Variants in BRINP3 observed in about 807,000 individuals in gnomAD.
BRINP3 encodes the protein BMP/retinoic acid inducible neural specific 3.
Under a neutral mutation model 71.0 loss-of-function variants are expected in BRINP3, and 19 were observed. The ratio of observed to expected loss-of-function variants is 0.27; its 90% CI spans 0.19 to 0.39. The LOEUF is 0.39. BRINP3 is among the 10% of genes least tolerant of loss of function. The pLI, the probability that BRINP3 is intolerant of heterozygous loss-of-function variation, is 1.00. For missense variants in BRINP3, 959 were observed against 940.8 expected (o/e 1.02, Z -0.25); for synonymous variants, 380 against 337.7 (o/e 1.13, Z -1.37).
chr1:190,281,427 T>C (rs1439326266), intron 3 of BRINP3, 133 bp downstream of exon 3: 1 of 819,458 alleles, frequency 1.2e-6, no homozygotes, highest in African/African-American at 1.7e-5. Context: ...ACTCAAAATG[T>C]GTTGGGTAAA....
In BRINP3 at chr1:190,368,794, T is replaced by G. The variant is rs143577039; in HGVS notation, c.236+85861A>C. Reference sequence around the variant, plus strand: ...CAGGAATCAGACCTTAGTTATAGATTAAAGGAAGTTAATCACTTACGTCTT... The same window carrying G: ...CAGGAATCAGACCTTAGTTATAGATGAAAGGAAGTTAATCACTTACGTCTT... On this transcript the variant is annotated intron_variant, in intron 2 of 7. Transcript: ENST00000367462. Among the ~76,000 whole-genome samples, 485 of 152,256 alleles carry G rather than the reference T, an allele frequency of 3.2e-3. 6 individuals carry two copies. Among genetic ancestry groups the G allele is most frequent in the African/African-American group, 0.011 (457 of 41,558 alleles).
At chr1:190,102,185 C>A (rs929936982) in intron 7 of BRINP3, among the ~76,000 whole-genome samples, 1 of 152,036 alleles carries the variant, frequency 6.6e-6, no homozygotes, top group Non-Finnish European at 1.5e-5. Flanking sequence ...TTCTTTACTC[C>A]TTGTGTAATC....
At chr1:190,380,350 T>C (rs929085251) in intron 2 of BRINP3, among the ~76,000 whole-genome samples, 2 of 152,128 alleles carry the variant, frequency 1.3e-5, no homozygotes, top group African/African-American at 4.8e-5. Flanking sequence ...GTGGTAGAAT[T>C]TTTGGAAGAA....
intron 7 of BRINP3, among the ~76,000 whole-genome samples, chr1:190,140,445 A>G (rs1015318069): frequency 2.0e-5 from 3 of 152,122 alleles, no homozygotes; most frequent in African/African-American, 4.8e-5. Flanking sequence ...ATATCTGTTT[A>G]CTTAACCACA....
chr1:190,258,143 G>A (rs2102847494), intron 4 of BRINP3, among the ~76,000 whole-genome samples: 1 of 152,356 alleles, frequency 6.6e-6, no homozygotes, highest in East Asian at 1.9e-4. Context: ...GCTCTGCCCA[G>A]TTCAAGCTTC....
intron 3 of BRINP3, among the ~76,000 whole-genome samples, chr1:190,270,394 A>G (rs1662003639): frequency 6.6e-6 from 1 of 151,562 alleles, no homozygotes; most frequent in South Asian, 2.1e-4. Flanking sequence ...CTAAAAAATA[A>G]AAACAGAATC....
chr1:190,360,846 T>A (rs933180671), intron 2 of BRINP3, among the ~76,000 whole-genome samples: 2 of 152,018 alleles, frequency 1.3e-5, no homozygotes, highest in Admixed American at 6.6e-5. Context: ...TAGAGAAAGA[T>A]ACAAGGAAGA....
chr1:190,299,010 C>T (rs1012851661), intron 2 of BRINP3, among the ~76,000 whole-genome samples: 1 of 152,106 alleles, frequency 6.6e-6, no homozygotes, highest in Non-Finnish European at 1.5e-5. Context: ...ACATTTAAGG[C>T]TAATATGTGT....
chr1:190,170,322 A>C (rs815332), intron 6 of BRINP3, among the ~76,000 whole-genome samples: 1 of 151,986 alleles, frequency 6.6e-6, no homozygotes, highest in African/African-American at 2.4e-5. Flanking sequence ...TGAGGGTGAG[A>C]ACAATGTTTT....
intron 2 of BRINP3, among the ~76,000 whole-genome samples, chr1:190,367,611 C>T (rs1190216503): frequency 6.6e-6 from 1 of 152,206 alleles, no homozygotes; most frequent in African/African-American, 2.4e-5. Context: ...CATCAGGCTA[C>T]AAATGTTCCA....
chr1:190,476,993 C>A (rs1677544506), intron 1 of BRINP3, among the ~76,000 whole-genome samples: 1 of 152,188 alleles, frequency 6.6e-6, no homozygotes, highest in Non-Finnish European at 1.5e-5. Context: ...AATTGCTTAT[C>A]ATGAACAAAT....
chr1:190,099,948 T>C (rs892495574), intron 7 of BRINP3, among the ~76,000 whole-genome samples: 8 of 152,186 alleles, frequency 5.3e-5, no homozygotes, highest in Non-Finnish European at 1.0e-4. Context: ...TATTTTGGTG[T>C]CTTAAAACCA....
intron 7 of BRINP3, among the ~76,000 whole-genome samples, chr1:190,159,401 T>C (rs900589777): frequency 6.6e-6 from 1 of 152,046 alleles, no homozygotes; most frequent in Non-Finnish European, 1.5e-5. Context: ...TATGTCCACA[T>C]AAAAAAGTGT....
chr1:190,458,106 A>G (rs2102645900), intron 1 of BRINP3, among the ~76,000 whole-genome samples: 1 of 152,170 alleles, frequency 6.6e-6, no homozygotes, highest in East Asian at 1.9e-4. Flanking sequence ...GGTAATTATG[A>G]GGTAATTATC....
intron 2 of BRINP3, among the ~76,000 whole-genome samples, chr1:190,383,521 T>A (rs1670684422): frequency 6.6e-6 from 1 of 152,090 alleles, no homozygotes; most frequent in African/African-American, 2.4e-5. Flanking sequence ...TGAGATTCAT[T>A]TCTGTTAGTG....
chr1:190,309,961 G>T (rs1429105985), intron 2 of BRINP3, among the ~76,000 whole-genome samples: 2 of 151,610 alleles, frequency 1.3e-5, no homozygotes, highest in African/African-American at 4.8e-5. Flanking sequence ...TCAATTACCA[G>T]ATTTCATAGA....
intron 3 of BRINP3, among the ~76,000 whole-genome samples, chr1:190,269,159 T>G (rs1364943106): frequency 6.6e-6 from 1 of 152,044 alleles, no homozygotes; most frequent in Non-Finnish European, 1.5e-5. Context: ...AACAAGTACA[T>G]GTGGAAACTT....
In BRINP3 at chr1:190,322,751, A is replaced by G. The variant is rs112818782; in HGVS notation, c.237-41001T>C. Among the ~76,000 whole-genome samples, 494 of 152,192 alleles carry G rather than the reference A, an allele frequency of 3.2e-3. 5 individuals carry two copies. The highest frequency in any genetic ancestry group is 0.011 in the African/African-American group (467 of 41,548). On this transcript the variant is annotated intron_variant, in intron 2 of 7. Coordinates refer to ENST00000367462, the MANE Select transcript of BRINP3 (RefSeq NM_199051.3). ...CTACCATCCAACCAAATAGATATGC[A>G]TATAAATATTAAATTTTCTAATAAA...
At chr1:190,254,462 G>T (rs1051484586) in intron 4 of BRINP3, among the ~76,000 whole-genome samples, 1 of 152,078 alleles carries the variant, frequency 6.6e-6, no homozygotes, top group Non-Finnish European at 1.5e-5. Flanking sequence ...GCAGTGGTTT[G>T]TAGTTCTCCT....
Sources: gnomAD v4.1 joint callset for allele counts (sites outside exome capture counted in the v4.1 genomes callset) on GRCh38, gnomAD v4.1.1 for gene constraint, MANE v1.5 for transcripts, NCBI Gene and HGNC (gene_info 2026-07-23, HGNC 2026-07-21) for gene names.